ZNF19: variants seen among roughly 807,000 people sequenced by gnomAD.
The protein encoded by ZNF19 is zinc finger protein 19 (KOX 12).
Under a neutral mutation model 13.1 loss-of-function variants are expected in ZNF19, and 11 were observed. The observed-to-expected ratio is 0.84, with a 90% confidence interval of 0.53 to 1.39. The LOEUF is 1.39. Among genes scored for constraint, ZNF19 ranks in the 40% most tolerant of loss-of-function variants. ZNF19 has a pLI of 0.00. For synonymous variants in ZNF19, 186 were observed against 187.0 expected (o/e 0.99, Z 0.04); for missense variants, 560 against 547.0 (o/e 1.02, Z -0.24).
chr16:71,477,307 C>T (rs1164310085), intron 5 of ZNF19, among the ~76,000 whole-genome samples: 4 of 152,250 alleles, frequency 2.6e-5, no homozygotes, highest in East Asian at 1.9e-4. Context: ...ACAGAGGAAG[C>T]GTGTGAGAAC....
intron 1 of ZNF19, chr16:71,489,066 T>G (rs2043702032): frequency 1.0e-5 from 2 of 196,584 alleles, no homozygotes; most frequent in Non-Finnish European, 1.8e-5. Flanking sequence ...GGGGGCTCTT[T>G]CTCCAGCTCC....
chr16:71,488,557 G>C (rs1422185187), intron 1 of ZNF19, among the ~76,000 whole-genome samples: 2 of 152,164 alleles, frequency 1.3e-5, no homozygotes, highest in African/African-American at 4.8e-5. Context: ...CCAGCACTTT[G>C]GGAGGCCGAG....
intron 1 of ZNF19, chr16:71,486,944 A>C (rs892039446): frequency 6.6e-6 from 1 of 152,244 alleles, no homozygotes; most frequent in African/African-American, 2.4e-5. Context: ...CTAAAATTAA[A>C]AACAAAAAGA....
chr16:71,475,853 G>T lies in ZNF19; in HGVS notation c.694C>A (p.Leu232Met), dbSNP rs1342363196. ...CTGTGGATTCTCTGATGCCTGATCA[G>T]ATTTGCATTATCATTAAAGGCTCGC... ...CGRAFNDNANLIRHQRIHSGD... is the reference protein window; with the variant it reads ...CGRAFNDNANMIRHQRIHSGD... The change falls in exon 6 of 6, where the codon CTG becomes ATG. Residue 232 changes from leucine to methionine, a missense_variant. By Grantham distance (15) the Leu-to-Met change is conservative. Transcript: ENST00000288177. 5.0e-6 allele frequency: 8 copies of T among 1,613,844 alleles called. No individual in the cohort carries two copies. The highest frequency in any genetic ancestry group is 6.8e-6 in the Non-Finnish European group (8 of 1,179,932).
intron 1 of ZNF19, among the ~76,000 whole-genome samples, chr16:71,485,055 T>G (rs182086386): frequency 1.3e-5 from 2 of 152,280 alleles, no homozygotes; most frequent in East Asian, 3.9e-4. Flanking sequence ...ACTGTTTAAT[T>G]GTATGTTCAT....
At position 71,475,041 on chromosome 16, in the gene ZNF19, A is replaced by G; in HGVS notation, c.*129T>C. 4 of 1,159,994 alleles carry G rather than the reference A, an allele frequency of 3.4e-6. No homozygotes were observed. In the South Asian group the frequency reaches 6.6e-5, roughly 19 times the overall value. 71.9% of individuals were successfully genotyped at this position (1,159,994 alleles called of 1,614,324 possible). On this transcript the variant is annotated 3_prime_UTR_variant, in exon 6 of 6. Transcript: ENST00000288177. ...GACTCTAATTGAACCATCTTTGGTC[A>G]TCTACTGACATCTGAATCATTAACT...
chr16:71,483,773 T>G (rs2043654383), intron 2 of ZNF19, among the ~76,000 whole-genome samples: 1 of 152,216 alleles, frequency 6.6e-6, no homozygotes. Flanking sequence ...CAAGGCCACG[T>G]GTGACACACA....
Position 71,475,343 on chromosome 16 carries a change from G to T in ZNF19, c.1204C>A (p.Gln402Lys). 1.9e-6 allele frequency: 3 copies of T among 1,614,034 alleles called. No homozygotes were observed. The highest frequency in any genetic ancestry group is 2.5e-6 in the Non-Finnish European group (3 of 1,180,006). Residue 402 changes from glutamine (Q) to lysine (K), a missense_variant, in exon 6 of 6, where the codon CAG (glutamine) becomes AAG (lysine). Transcript: ENST00000288177. ...KALTSKRNLH[Q>K]HQRIHTGEKP... Reference sequence around the variant, plus strand: ...TCTCCAGTATGGATTCTTTGATGCTGATGAAGATTTCTTTTGCTAGTCAAG... The same window carrying T: ...TCTCCAGTATGGATTCTTTGATGCTTATGAAGATTTCTTTTGCTAGTCAAG...
chr16:71,479,937 T>G (rs2043627194), intron 3 of ZNF19, among the ~76,000 whole-genome samples: 1 of 151,952 alleles, frequency 6.6e-6, no homozygotes, highest in Non-Finnish European at 1.5e-5. Flanking sequence ...GGACTATAGG[T>G]GCACACCACC....
At position 71,489,261 on chromosome 16, in the gene ZNF19, C is replaced by T. The variant is rs2043703841; in HGVS notation, c.-190+11G>A. On this transcript the variant is annotated intron_variant, in intron 1 of 5. Transcript: ENST00000288177. The stretch of plus-strand genomic sequence containing the variant: ...AGCTCCGCCCAACTGTGGGTCCTTG[C>T]ACTTTGGCACCTTTGAGCGCGGACT... 4.1e-6 allele frequency: 4 copies of T among 985,618 alleles called. No individual in the cohort carries two copies. The South Asian group carries it at 1.9e-4, about 46-fold the overall frequency. The allele number at this position is 985,618 out of a possible 1,614,324, so 61.1% of individuals were successfully genotyped here. A position where few individuals can be genotyped will look rare whatever the true frequency, so the allele number is the denominator to read the frequency against.
chr16:71,480,495 C>T (rs1184038179), intron 3 of ZNF19, among the ~76,000 whole-genome samples: 1 of 152,236 alleles, frequency 6.6e-6, no homozygotes, highest in African/African-American at 2.4e-5. Flanking sequence ...GACATTCTAA[C>T]CCCCATCATC....
At position 71,475,064 on chromosome 16, in the gene ZNF19, A is replaced by G; in HGVS notation, c.*106T>C. 7.6e-7 allele frequency: 1 copy of G among 1,323,704 alleles called. No individual in the cohort carries two copies. Among genetic ancestry groups the G allele is most frequent in the Non-Finnish European group, 1.0e-6 (1 of 983,148 alleles). The allele number at this position is 1,323,704 out of a possible 1,614,324, so 82.0% of individuals were successfully genotyped here. On this transcript the variant is annotated 3_prime_UTR_variant, in exon 6 of 6. Coordinates refer to ENST00000288177, the MANE Select transcript of ZNF19 (RefSeq NM_006961.4). ...TCATCTACTGACATCTGAATCATTA[A>G]CTGTGGCTTGAGGGATGGATCAGAG...
Position 71,473,744 on chromosome 16 carries a change from CCAGCT to C in ZNF19, c.*1421_*1425del, listed in dbSNP as rs2043582002. On this transcript the variant is annotated 3_prime_UTR_variant, in exon 6 of 6. Coordinates refer to ENST00000288177, the MANE Select transcript of ZNF19 (RefSeq NM_006961.4). ...GGACTACAGGCATGCACCACCACGC[CCAGCT>C]AATTCTTGTATTTTTAGTAGAGACG... is the stretch of plus-strand genomic sequence containing the variant. 6.6e-6 allele frequency: 1 copy of C among 152,144 alleles called. No homozygotes were observed. Among genetic ancestry groups the C allele is most frequent in the Admixed American group, 6.6e-5 (1 of 15,262 alleles). 9.4% of individuals were successfully genotyped at this position (152,144 alleles called of 1,614,324 possible).
At chr16:71,480,975 GA>G (rs1304928077) in intron 3 of ZNF19, among the ~76,000 whole-genome samples, 1 of 152,204 alleles carries the variant, frequency 6.6e-6, no homozygotes, top group East Asian at 1.9e-4. Context: ...TATACACAGA[GA>G]ATCTATCCGG....
At chr16:71,483,573 T>C (rs2043652864) in intron 2 of ZNF19, among the ~76,000 whole-genome samples, 1 of 152,214 alleles carries the variant, frequency 6.6e-6, no homozygotes, top group Non-Finnish European at 1.5e-5. Context: ...CTAGCCGCCA[T>C]TCTCTCCAGT....
At chr16:71,489,091 A>G in intron 1 of ZNF19, 181 bp downstream of exon 1, 1 of 269,746 alleles carries the variant, frequency 3.7e-6, no homozygotes, top group Non-Finnish European at 5.7e-6. Context: ...CGTGAGCGGC[A>G]AAGCTTGCAG....
chr16:71,475,763 T>A lies in ZNF19; in HGVS notation c.784A>T (p.Ile262Leu). 1.9e-6 allele frequency: 3 copies of A among 1,613,096 alleles called. No homozygotes were observed. Among genetic ancestry groups the A allele is most frequent in the Non-Finnish European group, 2.5e-6 (3 of 1,179,226 alleles). The stretch of plus-strand genomic sequence containing the variant: ...TCCCCAGTGTGGATTCTCTGATGTA[T>A]AACAAACTCGGAACTACTCGTGAAA... ...NSFTSSSEFV[I>L]HQRIHTGEKP... Residue 262 changes from isoleucine (I) to leucine (L), a missense_variant, in exon 6 of 6, where the codon ATA (isoleucine) becomes TTA (leucine). By Grantham distance (5) the Ile-to-Leu change is conservative. Coordinates refer to ENST00000288177, the MANE Select transcript of ZNF19 (RefSeq NM_006961.4).
chr16:71,484,568 G>A, intron 2 of ZNF19, 21 bp downstream of exon 2: 1 of 985,408 alleles, frequency 1.0e-6, no homozygotes, highest in Non-Finnish European at 1.2e-6. Flanking sequence ...GGACTCCTAG[G>A]CGACAAACCC....
intron 2 of ZNF19, 114 bp from the exon 3 acceptor site, chr16:71,482,257 T>A (rs1308015332): frequency 2.3e-6 from 2 of 861,088 alleles, no homozygotes; most frequent in African/African-American, 3.3e-5. Context: ...GCTCACTGGG[T>A]TAGTGGTGCA....
Sources: gnomAD v4.1 joint callset for allele counts (sites outside exome capture counted in the v4.1 genomes callset) on GRCh38, gnomAD v4.1.1 for gene constraint, MANE v1.5 for transcripts, NCBI Gene and HGNC (gene_info 2026-07-23, HGNC 2026-07-21) for gene names.